EIF2AK2: variants seen among roughly 807,000 people sequenced by gnomAD.
EIF2AK2 encodes eukaryotic translation initiation factor 2 alpha kinase 2.
Under a neutral mutation model 70.5 loss-of-function variants are expected in EIF2AK2, and 40 were observed. That is an observed-to-expected ratio of 0.57 (90% confidence interval 0.44 to 0.74). The LOEUF is 0.74. EIF2AK2 is among the 30% of genes least tolerant of loss of function. EIF2AK2 has a pLI of 0.00. For missense variants in EIF2AK2, 555 were observed against 644.3 expected, an observed-to-expected ratio of 0.86 and a Z score of 1.50; for synonymous variants, 198 against 220.9, an observed-to-expected ratio of 0.90 and a Z score of 0.92.
At chr2:37,139,448 G>T (rs550283710) in intron 6 of EIF2AK2, among the ~76,000 whole-genome samples, 183 bp downstream of exon 6, 1 of 152,080 alleles carries the variant, frequency 6.6e-6, no homozygotes, top group Non-Finnish European at 1.5e-5. Context: ...GTTGCCACCA[G>T]AAATTTTATC....
At chr2:37,149,532 G>A (rs1378064038) in intron 1 of EIF2AK2, among the ~76,000 whole-genome samples, 1 of 149,644 alleles carries the variant, frequency 6.7e-6, no homozygotes, top group South Asian at 2.1e-4. Context: ...AAACATGTAG[G>A]GTGTAGGCAG....
At chr2:37,153,085 C>G (rs1675801171) in intron 1 of EIF2AK2, among the ~76,000 whole-genome samples, 1 of 152,066 alleles carries the variant, frequency 6.6e-6, no homozygotes, top group Middle Eastern at 3.2e-3. Context: ...CCAGTTCCGA[C>G]AGCTACTTCA....
intron 14 of EIF2AK2, among the ~76,000 whole-genome samples, chr2:37,110,256 T>G (rs527502059): frequency 2.1e-4 from 31 of 147,622 alleles, no homozygotes; most frequent in African/African-American, 7.6e-4. Context: ...GTTTTGTATT[T>G]CTGTATTTTT....
At chr2:37,129,493 G>A (rs960101277) in intron 10 of EIF2AK2, among the ~76,000 whole-genome samples, 5 of 152,088 alleles carry the variant, frequency 3.3e-5, no homozygotes, top group African/African-American at 9.7e-5. Context: ...TGCTGACAAC[G>A]GAAGACTGAG....
chr2:37,115,783 C>T (rs986099769), intron 13 of EIF2AK2, among the ~76,000 whole-genome samples: 7 of 152,194 alleles, frequency 4.6e-5, no homozygotes, highest in Admixed American at 2.0e-4. Flanking sequence ...TTAACAAACA[C>T]ATCCCTTCCA....
chr2:37,155,099 T>C (rs755344476), intron 1 of EIF2AK2, among the ~76,000 whole-genome samples: 5 of 151,998 alleles, frequency 3.3e-5, no homozygotes, highest in Admixed American at 2.0e-4. Flanking sequence ...ACAATGATGG[T>C]TCTCAAAAGC....
At chr2:37,128,721 C>T (rs1275549684) in intron 10 of EIF2AK2, among the ~76,000 whole-genome samples, 1 of 152,182 alleles carries the variant, frequency 6.6e-6, no homozygotes, top group Non-Finnish European at 1.5e-5. Context: ...TTAAGTTCCC[C>T]TTGATTATAA....
At chr2:37,154,538 T>G (rs1329531314) in intron 1 of EIF2AK2, among the ~76,000 whole-genome samples, 3 of 151,948 alleles carry the variant, frequency 2.0e-5, no homozygotes, top group African/African-American at 4.8e-5. Context: ...TGTCTTAGCT[T>G]GGACTTTTAA....
chr2:37,144,595 T>C (rs1333465448), intron 4 of EIF2AK2, among the ~76,000 whole-genome samples: 1 of 151,858 alleles, frequency 6.6e-6, no homozygotes, highest in Admixed American at 6.6e-5. Context: ...CTTTCTTTTT[T>C]TTTTTTGAGA....
chr2:37,156,615 T>C (rs1047812832), intron 1 of EIF2AK2, among the ~76,000 whole-genome samples: 1 of 152,206 alleles, frequency 6.6e-6, no homozygotes, highest in African/African-American at 2.4e-5. Flanking sequence ...TGGGAAATAT[T>C]TGTTACTTGC....
chr2:37,145,433 G>A lies in EIF2AK2; in HGVS notation c.240+1420C>T, dbSNP rs532195584. Among the ~76,000 whole-genome samples, 85 of 152,214 alleles carry A rather than the reference G, an allele frequency of 5.6e-4. No individual in the cohort carries two copies. In the South Asian group the frequency reaches 0.016, roughly 28 times the overall value. On this transcript the variant is annotated intron_variant, in intron 4 of 16. Transcript: ENST00000233057. ...GCCAGGATTACAGGCATGAGCCACC[G>A]CGCCTGGCCGCGTTTGTGTTTTAGG...
chr2:37,139,819 A>T, intron 5 of EIF2AK2, 62 bp from the exon 6 acceptor site: 1 of 1,514,690 alleles, frequency 6.6e-7, no homozygotes, highest in South Asian at 1.2e-5. Context: ...CCAACTTAGG[A>T]TTCAAAAAAA....
intron 9 of EIF2AK2, among the ~76,000 whole-genome samples, chr2:37,136,250 T>C (rs925810738): frequency 6.6e-6 from 1 of 152,260 alleles, no homozygotes; most frequent in Admixed American, 6.5e-5. Flanking sequence ...GTGCCATGGT[T>C]CTTGACTGCA....
In EIF2AK2 at chr2:37,135,464, T is replaced by G; in HGVS notation, c.785+20A>C. ...CGACAGCATTACCCCTTCTTCTTTC[T>G]TCAGCACTTAAAATCTTACCTCTTG... On this transcript the variant is annotated intron_variant, in intron 10 of 16. Coordinates refer to ENST00000233057, the MANE Select transcript of EIF2AK2 (RefSeq NM_001135651.3). The G allele has an allele frequency of 6.3e-7, 1 of 1,593,546 alleles. No individual in the cohort carries two copies. The highest frequency in any genetic ancestry group is 8.5e-7 in the Non-Finnish European group (1 of 1,171,702).
intron 14 of EIF2AK2, among the ~76,000 whole-genome samples, chr2:37,110,631 C>T (rs1674111961): frequency 6.6e-6 from 1 of 152,160 alleles, no homozygotes; most frequent in African/African-American, 2.4e-5. Flanking sequence ...CTCAAACCAT[C>T]AGATAGCTCA....
intron 14 of EIF2AK2, among the ~76,000 whole-genome samples, chr2:37,111,256 A>C (rs931078276): frequency 6.6e-5 from 10 of 152,230 alleles, no homozygotes; most frequent in African/African-American, 1.7e-4. Context: ...GAACACATTT[A>C]ACGCCACTAA....
chr2:37,132,289 T>A (rs575652704), intron 10 of EIF2AK2, among the ~76,000 whole-genome samples: 28 of 147,006 alleles, frequency 1.9e-4, no homozygotes, highest in African/African-American at 5.6e-4. Context: ...TAGTCCTACC[T>A]GACCCTGAAA....
intron 10 of EIF2AK2, among the ~76,000 whole-genome samples, chr2:37,127,292 C>G (rs1291391910): frequency 6.6e-6 from 1 of 152,150 alleles, no homozygotes; most frequent in Non-Finnish European, 1.5e-5. Flanking sequence ...AACTGGATCC[C>G]CACTTCCTCT....
Position 37,135,544 on chromosome 2 carries a change from G to T in EIF2AK2, c.725C>A (p.Ser242Tyr), listed in dbSNP as rs529542550. 1.9e-6 allele frequency: 3 copies of T among 1,609,900 alleles called. No individual in the cohort carries two copies. The highest frequency in any genetic ancestry group is 1.3e-5 in the African/African-American group (1 of 74,758). Residue 242 changes from serine to tyrosine, a missense_variant and splice_region_variant, in exon 10 of 17, where the codon TCT becomes TAT. Ser to Tyr is a moderately radical substitution (Grantham distance 144). Around this residue, in one of 3 missense-constraint regions of EIF2AK2, gnomAD observed 299 missense variants for 375.4 expected, o/e 0.80. Transcript: ENST00000233057. ...AGGAAGGTCAAATCTGGGTGCCAAA[G>T]ATCTAAAAATTAAGAGTTGAATGTA... Reference protein sequence around the residue: ...LRNNQRKAKRSLAPRFDLPDM... With the variant: ...LRNNQRKAKRYLAPRFDLPDM...
Sources: allele counts gnomAD v4.1 joint callset (sites outside exome capture counted in the v4.1 genomes callset), GRCh38; gene constraint gnomAD v4.1.1; regional missense constraint gnomAD v4.1.1; transcripts MANE v1.5; gene names NCBI Gene and HGNC (gene_info 2026-07-23, HGNC 2026-07-21).